PREX1: variants seen among roughly 807,000 people sequenced by gnomAD.
PREX1 encodes phosphatidylinositol-3,4,5-trisphosphate dependent Rac exchange factor 1.
In PREX1, 41 loss-of-function variants were observed where a neutral mutation model predicts 198.3. The observed-to-expected ratio is 0.21, with a 90% CI of 0.16 to 0.27. The LOEUF (loss-of-function observed/expected upper bound fraction) is 0.27. Among genes scored for constraint, PREX1 ranks in the 10% least tolerant of loss-of-function variants. The pLI, the probability that PREX1 is intolerant of heterozygous loss-of-function variation, is 1.00. For missense variants in PREX1, 1,620 were observed against 2,200.7 expected, an observed-to-expected ratio of 0.74 and a Z score of 5.28; for synonymous variants, 843 against 887.2, an observed-to-expected ratio of 0.95 and a Z score of 0.89.
intron 10 of PREX1, among the ~76,000 whole-genome samples, chr20:48,682,925 T>TA (rs1227929921): frequency 2.6e-5 from 4 of 152,222 alleles, no homozygotes; most frequent in Non-Finnish European, 5.9e-5. Flanking sequence ...GGGCTATTTT[T>TA]AGCTTCCTAG....
At position 48,684,855 on chromosome 20, in the gene PREX1, A is replaced by G. The variant is rs1467079793; in HGVS notation, c.1335-3520T>C. ...CTCCTCCTGTTCCACCATCACTCAA[A>G]GCTCACTGCAGCCTCAGGGCTTTCG... On this transcript the variant is annotated intron_variant, in intron 10 of 39. Coordinates refer to ENST00000371941, the MANE Select transcript of PREX1 (RefSeq NM_020820.4). This position sits in a 1 kb window ranked among gnomAD's most constrained non-coding sequence, Gnocchi z 4.2. Among the ~76,000 whole-genome samples, 1 of 152,142 alleles carries G rather than the reference A, an allele frequency of 6.6e-6. No individual in the cohort carries two copies. The highest frequency in any genetic ancestry group is 1.9e-4 in the East Asian group (1 of 5,198).
intron 3 of PREX1, among the ~76,000 whole-genome samples, chr20:48,741,411 G>A (rs1183452717): frequency 6.6e-6 from 1 of 152,080 alleles, no homozygotes; most frequent in Non-Finnish European, 1.5e-5. Flanking sequence ...CCAGGCTGGA[G>A]TGCAGCGGCA....
the PREX1 span, among the ~76,000 whole-genome samples, chr20:48,875,441 T>C: frequency 6.6e-6 from 1 of 151,828 alleles, no homozygotes; most frequent in African/African-American, 2.4e-5. Context: ...GCTAAGCTGT[T>C]TAGGGAAAGG....
In PREX1 at chr20:48,759,221, AC is replaced by A. The variant is rs780173753; in HGVS notation, c.220-11342del. Among the ~76,000 whole-genome samples the A allele has an allele frequency of 6.6e-5, 10 of 152,048 alleles. No individual in the cohort carries two copies. The East Asian group carries it at 1.9e-3, about 29-fold the overall frequency. ...TAACATGGATGGGGACCATAAAACT[AC>A]TGACTTCATGGGCTATTGTGAGGCT... On this transcript the variant is annotated intron_variant, in intron 1 of 39. Transcript: ENST00000371941.
At chr20:48,630,631 C>G in intron 36 of PREX1, 97 bp downstream of exon 36, 3 of 1,124,580 alleles carry the variant, frequency 2.7e-6, no homozygotes, top group Non-Finnish European at 3.9e-6. Context: ...GGGCTAGAAT[C>G]TGCTGGGGCA....
the PREX1 span, among the ~76,000 whole-genome samples, chr20:48,839,189 C>T: frequency 1.3e-5 from 2 of 151,800 alleles, no homozygotes; most frequent in South Asian, 4.2e-4. Context: ...TGATTTGGAC[C>T]CCAGATGCAC....
At chr20:48,707,275 AAGCCGGGAAATAGAGCTCTTCACTCTCC>A (rs1238055583) in intron 6 of PREX1, among the ~76,000 whole-genome samples, 1 of 152,194 alleles carries the variant, frequency 6.6e-6, no homozygotes, top group Admixed American at 6.5e-5. Context: ...TCCCAAACTG[AAGCCGGGAAATAGAGCTCTTCACTCTCC>A]AGCCTCGGCT....
intron 28 of PREX1, 64 bp downstream of exon 28, chr20:48,642,343 G>A (rs534208427): frequency 6.2e-7 from 1 of 1,604,124 alleles, no homozygotes; most frequent in African/African-American, 1.3e-5. Context: ...CCCGGGTCAT[G>A]GGCCCTCCCC....
At chr20:48,661,543 G>A (rs9798568) in intron 15 of PREX1, among the ~76,000 whole-genome samples, 870 of 86,288 alleles carry the variant, frequency 0.01, 9 homozygotes, top group African/African-American at 0.023. Flanking sequence ...GTGTGTGTGT[G>A]TATATATATA....
In PREX1 at chr20:48,640,037, C is replaced by T; in HGVS notation, c.3776-143G>A. The stretch of plus-strand genomic sequence containing the variant: ...AGCTGGCAGGACTCCTGGGCATTAT[C>T]GGGTCCACAGAGGGTAAGTGTGCTA... On this transcript the variant is annotated intron_variant, in intron 29 of 39. Transcript: ENST00000371941. The T allele has an allele frequency of 3.5e-6, 4 of 1,157,010 alleles. 1 individual carries two copies. The highest frequency in any genetic ancestry group is 2.3e-4 in the Middle Eastern group (1 of 4,354). 71.7% of individuals were successfully genotyped at this position (1,157,010 alleles called of 1,614,324 possible).
At chr20:48,813,977 A>C (rs1161062763) in intron 1 of PREX1, among the ~76,000 whole-genome samples, 1 of 152,204 alleles carries the variant, frequency 6.6e-6, no homozygotes, top group African/African-American at 2.4e-5. Flanking sequence ...CCCAATCAAC[A>C]GCTTGGTGGG....
intron 3 of PREX1, among the ~76,000 whole-genome samples, chr20:48,735,148 A>G (rs1275941225): frequency 6.6e-6 from 1 of 152,206 alleles, no homozygotes; most frequent in Non-Finnish European, 1.5e-5. Context: ...ACCATCAGTC[A>G]GGGTTTCCCG....
chr20:48,863,515 TCTCTATAG>T, the PREX1 span, among the ~76,000 whole-genome samples: 1 of 151,380 alleles, frequency 6.6e-6, no homozygotes, highest in Non-Finnish European at 1.5e-5. Context: ...TTTTTTTCTT[TCTCTATAG>T]TTTTGGTTTA....
At chr20:48,655,792 C>A (rs559329141) in intron 18 of PREX1, among the ~76,000 whole-genome samples, 1 of 152,254 alleles carries the variant, frequency 6.6e-6, no homozygotes, top group East Asian at 1.9e-4. Flanking sequence ...AACACCCACA[C>A]AAGTCCCCTA....
intron 1 of PREX1, among the ~76,000 whole-genome samples, chr20:48,819,089 C>A (rs755875414): frequency 1.3e-5 from 2 of 152,212 alleles, no homozygotes; most frequent in Non-Finnish European, 1.5e-5. Context: ...CTCTCTGAGA[C>A]CTTAGTAAGA....
At chr20:48,842,690 T>C in the PREX1 span, among the ~76,000 whole-genome samples, 1 of 151,620 alleles carries the variant, frequency 6.6e-6, no homozygotes, top group Non-Finnish European at 1.5e-5. Flanking sequence ...TCTCTCCTTC[T>C]TAAAATATGC....
intron 26 of PREX1, 27 bp from the exon 27 acceptor site, chr20:48,644,524 G>A (rs1048975836): frequency 2.6e-5 from 41 of 1,598,598 alleles, no homozygotes; most frequent in Non-Finnish European, 3.4e-5. Flanking sequence ...AGAAGGGGCT[G>A]AGTCACCCTG....
At chr20:48,859,925 G>A in the PREX1 span, among the ~76,000 whole-genome samples, 1 of 152,238 alleles carries the variant, frequency 6.6e-6, no homozygotes, top group Non-Finnish European at 1.5e-5. Flanking sequence ...GGCTGAGGCA[G>A]GAGAATGGCT....
At chr20:48,644,364 G>A (rs776395235) in intron 27 of PREX1, 45 bp downstream of exon 27, 95 of 1,488,304 alleles carry the variant, frequency 6.4e-5, no homozygotes, top group Non-Finnish European at 8.4e-5. Context: ...ATCTCATGGG[G>A]AGGAGCCTCT....
Sources: gnomAD v4.1 joint callset for allele counts (sites outside exome capture counted in the v4.1 genomes callset) on GRCh38, gnomAD v4.1.1 for gene constraint, Gnocchi (gnomAD v3.1) non-coding constraint, MANE v1.5 for transcripts, NCBI Gene and HGNC (gene_info 2026-07-23, HGNC 2026-07-21) for gene names.